LRIG1: variants seen among roughly 807,000 people sequenced by gnomAD.
LRIG1 encodes the protein leucine rich repeats and immunoglobulin like domains 1.
A neutral mutation model predicts 99.2 loss-of-function variants in LRIG1; 48 were observed. The observed-to-expected ratio is 0.48, with a 90% CI of 0.38 to 0.62. The LOEUF (loss-of-function observed/expected upper bound fraction) is 0.62. LRIG1 is among the 20% of genes least tolerant of loss of function. The pLI, the probability that LRIG1 is intolerant of heterozygous loss-of-function variation, is 0.00. For missense variants in LRIG1, 1,646 were observed against 1,434.4 expected (o/e 1.15, Z -2.38); for synonymous variants, 772 against 596.1 (o/e 1.29, Z -4.30).
chr3:66,405,899 C>T (rs908053949), intron 8 of LRIG1: 31 of 1,031,570 alleles, frequency 3.0e-5, no homozygotes, highest in African/African-American at 5.2e-5. Flanking sequence ...AGCCCAGGCC[C>T]CTCCAACAAT....
chr3:66,390,878 C>T (rs181562860), intron 12 of LRIG1, among the ~76,000 whole-genome samples: 23 of 152,266 alleles, frequency 1.5e-4, no homozygotes, highest in Admixed American at 1.0e-3. Context: ...AAATAGCCCT[C>T]CCTCAGACTG....
intron 4 of LRIG1, 43 bp from the exon 5 acceptor site, chr3:66,415,106 C>A (rs1702582571): frequency 6.4e-7 from 1 of 1,556,746 alleles, no homozygotes; most frequent in South Asian, 1.2e-5. Flanking sequence ...TGGTCAAAGG[C>A]CTTCCTCATT....
chr3:66,384,711 CATGGGATGA>C (rs1372524540), intron 13 of LRIG1, among the ~76,000 whole-genome samples: 19 of 151,772 alleles, frequency 1.3e-4, no homozygotes, highest in African/African-American at 4.4e-4. Flanking sequence ...GATGGGTGTT[CATGGGATGA>C]ATGGGATGGC....
chr3:66,500,382 A>C lies in LRIG1; in HGVS notation c.26T>G (p.Leu9Arg). ...GCAAGGCGAGCGGCGCGGGGCCCCG[A>C]GCCCTCCCCGGACCGGCCGCGCCAT... MARPVRGGLGAPRRSPCLL... is the reference protein window; with the variant it reads MARPVRGGRGAPRRSPCLL... Residue 9 changes from leucine to arginine, a missense_variant, in exon 1 of 19, where the codon CTC (leucine) becomes CGC (arginine). Coordinates refer to ENST00000273261, the MANE Select transcript of LRIG1 (RefSeq NM_015541.3). 1 of 1,465,924 alleles carries C rather than the reference A, an allele frequency of 6.8e-7. No homozygotes were observed. The highest frequency in any genetic ancestry group is 2.7e-5 in the Admixed American group (1 of 36,868). 90.8% of individuals were successfully genotyped at this position (1,465,924 alleles called of 1,614,324 possible). A position where few individuals can be genotyped will look rare whatever the true frequency, so the allele number is the denominator to read the frequency against.
chr3:66,453,671 C>G (rs1318091393), intron 2 of LRIG1, among the ~76,000 whole-genome samples: 1 of 152,176 alleles, frequency 6.6e-6, no homozygotes, highest in Non-Finnish European at 1.5e-5. Context: ...GGTCATGCTA[C>G]TAGAGAGGAC....
chr3:66,402,594 G>A (rs968493009), intron 9 of LRIG1, among the ~76,000 whole-genome samples: 2 of 152,036 alleles, frequency 1.3e-5, no homozygotes, highest in Non-Finnish European at 2.9e-5. Flanking sequence ...CTCAGCGAAG[G>A]CAGGGGTCTC....
Position 66,432,164 on chromosome 3 carries a change from C to T in LRIG1, c.366-14898G>A, listed in dbSNP as rs116832217. Among the ~76,000 whole-genome samples, 276 of 152,254 alleles carry T rather than the reference C, an allele frequency of 1.8e-3. 2 individuals carry two copies. Among genetic ancestry groups the T allele is most frequent in the African/African-American group, 6.4e-3 (266 of 41,554 alleles). ...TGGCCTGAGCATTCCACCACCAGTC[C>T]ACCAGGCACAAAGGAGGGTTTTCCA... On this transcript the variant is annotated intron_variant, in intron 3 of 18. Transcript: ENST00000273261.
chr3:66,427,409 C>A (rs1252639242), intron 3 of LRIG1, among the ~76,000 whole-genome samples: 10 of 152,240 alleles, frequency 6.6e-5, no homozygotes, highest in African/African-American at 2.4e-4. Flanking sequence ...GGCACACCAG[C>A]CCTGATGCCT....
At position 66,494,723 on chromosome 3, in the gene LRIG1, C is replaced by T. The variant is rs534443126; in HGVS notation, c.218+5467G>A. ...TATAAGAAAAGTTCACAAGCATACC[C>T]ACCACCCCCTACAAAAAAGAGACAC... On this transcript the variant is annotated intron_variant, in intron 1 of 18. Coordinates refer to ENST00000273261, the MANE Select transcript of LRIG1 (RefSeq NM_015541.3). 2.0e-5 allele frequency among the ~76,000 whole-genome samples: 3 copies of T among 152,246 alleles called. No individual in the cohort carries two copies. In the South Asian group the frequency reaches 6.2e-4, roughly 32 times the overall value.
intron 3 of LRIG1, among the ~76,000 whole-genome samples, chr3:66,429,043 C>T (rs1004270049): frequency 2.6e-5 from 4 of 152,210 alleles, no homozygotes; most frequent in Non-Finnish European, 5.9e-5. Context: ...CAGGGTCAAC[C>T]TCTCCAAAGG....
At position 66,383,973 on chromosome 3, in the gene LRIG1, G is replaced by C. The variant is rs745784686; in HGVS notation, c.2071+18C>G. ...TCACACACACACACACACACACACA[G>C]TAGAGCAATAGGCAAACCTAGGACA... On this transcript the variant is annotated intron_variant, in intron 14 of 18. Transcript: ENST00000273261. 7 of 1,306,252 alleles carry C rather than the reference G, an allele frequency of 5.4e-6. No homozygotes were observed. Among genetic ancestry groups the C allele is most frequent in the South Asian group, 4.0e-5 (3 of 75,494 alleles). 80.9% of individuals were successfully genotyped at this position (1,306,252 alleles called of 1,614,324 possible).
intron 1 of LRIG1, among the ~76,000 whole-genome samples, chr3:66,477,780 A>G (rs982422436): frequency 1.3e-5 from 2 of 152,056 alleles, no homozygotes; most frequent in Non-Finnish European, 2.9e-5. Context: ...CTGGAGACAC[A>G]CCTATGGGGG....
chr3:66,410,240 T>C lies in LRIG1; in HGVS notation c.824A>G (p.Asn275Ser). The C allele has an allele frequency of 1.9e-6, 3 of 1,613,316 alleles. No individual in the cohort carries two copies. The highest frequency in any genetic ancestry group is 2.5e-6 in the Non-Finnish European group (3 of 1,179,566). The stretch of plus-strand genomic sequence containing the variant: ...CGTGAGGCCGTAGAGCGAGCCGCTG[T>C]TCACTTCTACCAGGCTGTTGTACTC... ...HLEYNSLVEV[N>S]SGSLYGLTAL... is the part of the protein sequence containing the mutation. The change falls in exon 7 of 19, where the codon AAC (asparagine) becomes AGC (serine). Residue 275 changes from asparagine to serine, a missense_variant. By Grantham distance (46) the Asn-to-Ser change is conservative. Transcript: ENST00000273261.
intron 1 of LRIG1, among the ~76,000 whole-genome samples, chr3:66,495,110 T>C (rs973163636): frequency 1.3e-5 from 2 of 152,274 alleles, no homozygotes; most frequent in Non-Finnish European, 2.9e-5. Context: ...GATAACCACA[T>C]AACTGACATA....
Position 66,384,099 on chromosome 3 carries a change from C to A in LRIG1, c.1963G>T (p.Asp655Tyr). ...ERRMHVMPDD[D>Y]VFFITDVKID... ...TTCACATCAGTGATGAAAAACACGT[C>A]GTCATCCGGCATGACATGCATGCGT... is the stretch of plus-strand genomic sequence containing the variant. The change falls in exon 14 of 19, where the codon GAC (aspartate) becomes TAC (tyrosine). Residue 655 changes from aspartate to tyrosine, a missense_variant. Physicochemically the swap from Asp to Tyr is radical, Grantham distance 160 (BLOSUM62 -3). Transcript: ENST00000273261. 6.2e-7 allele frequency: 1 copy of A among 1,614,156 alleles called. No homozygotes were observed. Among genetic ancestry groups the A allele is most frequent in the South Asian group, 1.1e-5 (1 of 91,082 alleles).
At chr3:66,446,604 C>G (rs1703734738) in intron 3 of LRIG1, among the ~76,000 whole-genome samples, 1 of 151,816 alleles carries the variant, frequency 6.6e-6, no homozygotes, top group Non-Finnish European at 1.5e-5. Context: ...TGGAGTTTCG[C>G]CATTTTGGCC....
intron 3 of LRIG1, among the ~76,000 whole-genome samples, chr3:66,449,950 C>A (rs538514704): frequency 2.6e-5 from 4 of 152,170 alleles, no homozygotes; most frequent in South Asian, 4.1e-4. Flanking sequence ...CTAACAAGCT[C>A]GAAGCTAACT....
At chr3:66,407,616 C>T (rs1177394911) in intron 7 of LRIG1, 125 bp from the exon 8 acceptor site, 28 of 912,062 alleles carry the variant, frequency 3.1e-5, no homozygotes, top group South Asian at 1.6e-4. Flanking sequence ...CACGCACGCG[C>T]GTGCGTGCAC....
At chr3:66,495,114 T>C (rs1386283792) in intron 1 of LRIG1, among the ~76,000 whole-genome samples, 1 of 152,156 alleles carries the variant, frequency 6.6e-6, no homozygotes, top group African/African-American at 2.4e-5. Context: ...ACCACATAAC[T>C]GACATACAAG....
Sources: gnomAD v4.1 joint callset for allele counts (sites outside exome capture counted in the v4.1 genomes callset) on GRCh38, gnomAD v4.1.1 for gene constraint, MANE v1.5 for transcripts, NCBI Gene and HGNC (gene_info 2026-07-23, HGNC 2026-07-21) for gene names.